Variants in SMYD3 observed in about 807,000 individuals in gnomAD.
SMYD3 encodes SET and MYND domain containing 3.
In SMYD3, 36 loss-of-function variants were observed where a neutral mutation model predicts 57.7. The observed-to-expected ratio is 0.62, with a 90% CI of 0.48 to 0.82. The LOEUF (loss-of-function observed/expected upper bound fraction) is 0.82. Among genes scored for constraint, SMYD3 ranks in the 40% least tolerant of loss-of-function variants. The pLI is 0.00. For missense variants in SMYD3, 515 were observed against 538.8 expected (o/e 0.96, Z 0.44); for synonymous variants, 211 against 195.0 (o/e 1.08, Z -0.68).
At chr1:246,187,214 G>A (rs776318172) in intron 5 of SMYD3, among the ~76,000 whole-genome samples, 15 of 151,638 alleles carry the variant, frequency 9.9e-5, no homozygotes, top group Non-Finnish European at 1.8e-4. Flanking sequence ...GTGTGAACCC[G>A]GAGGCAGAGC....
intron 10 of SMYD3, among the ~76,000 whole-genome samples, chr1:245,782,121 C>T (rs1283905630): frequency 6.6e-6 from 1 of 152,122 alleles, no homozygotes; most frequent in Non-Finnish European, 1.5e-5. Flanking sequence ...CCCTCTAAAC[C>T]AAATATGTAT....
chr1:246,307,413 CTTT>C (rs869254416), intron 5 of SMYD3, among the ~76,000 whole-genome samples: 3,221 of 95,896 alleles, frequency 0.034, 43 homozygotes, highest in African/African-American at 0.12. Context: ...TTAGGGGATT[CTTT>C]TTTTTTTTTT....
At chr1:246,013,597 A>C (rs2059325095) in intron 5 of SMYD3, among the ~76,000 whole-genome samples, 1 of 152,182 alleles carries the variant, frequency 6.6e-6, no homozygotes, top group African/African-American at 2.4e-5. Context: ...TTTTAAAGCA[A>C]TTTAACAATG....
At chr1:245,784,383 G>A (rs2046952621) in intron 10 of SMYD3, among the ~76,000 whole-genome samples, 1 of 152,110 alleles carries the variant, frequency 6.6e-6, no homozygotes, top group Non-Finnish European at 1.5e-5. Flanking sequence ...TTTTCTTATG[G>A]TCACATATTC....
chr1:246,359,040 A>C (rs60933797), intron 1 of SMYD3, among the ~76,000 whole-genome samples: 6,222 of 152,266 alleles, frequency 0.041, 426 homozygotes, highest in African/African-American at 0.14. Flanking sequence ...TGGTTTTGAA[A>C]AGATAAATAA....
intron 5 of SMYD3, among the ~76,000 whole-genome samples, chr1:245,939,164 A>G (rs2057115582): frequency 2.8e-5 from 4 of 144,730 alleles, no homozygotes; most frequent in Admixed American, 2.7e-4. Flanking sequence ...TTAAAAAATA[A>G]AAAAATTTAA....
chr1:245,817,249 G>A (rs1405887297), intron 10 of SMYD3, among the ~76,000 whole-genome samples: 10 of 144,468 alleles, frequency 6.9e-5, no homozygotes, highest in African/African-American at 1.3e-4. Flanking sequence ...CCTGACCCCC[G>A]AGCAGCCTAA....
chr1:246,375,090 A>G (rs1256911556), intron 1 of SMYD3, among the ~76,000 whole-genome samples: 2 of 152,130 alleles, frequency 1.3e-5, no homozygotes. Flanking sequence ...AAGACTCCGT[A>G]GCAAAAATTA....
intron 1 of SMYD3, among the ~76,000 whole-genome samples, chr1:246,363,060 G>A (rs1237899878): frequency 3.4e-5 from 5 of 147,926 alleles, no homozygotes; most frequent in South Asian, 2.2e-4. Flanking sequence ...TGTGGGGAGC[G>A]CCTCTGCCCC....
At chr1:246,137,855 C>T (rs2061686789) in intron 5 of SMYD3, among the ~76,000 whole-genome samples, 2 of 151,986 alleles carry the variant, frequency 1.3e-5, no homozygotes, top group African/African-American at 2.4e-5. Context: ...TATAATTCTA[C>T]TACTGAGTTT....
intron 11 of SMYD3, among the ~76,000 whole-genome samples, chr1:245,753,042 C>T (rs533594846): frequency 5.3e-5 from 8 of 152,296 alleles, no homozygotes; most frequent in Admixed American, 5.2e-4. Flanking sequence ...GACACAGGTG[C>T]CTTCCTTGTC....
intron 5 of SMYD3, among the ~76,000 whole-genome samples, chr1:246,024,704 C>G (rs372043982): frequency 7.2e-5 from 1 of 13,826 alleles, no homozygotes. Context: ...GGAGATACAG[C>G]AAGTGGACAG....
At chr1:246,121,976 A>C (rs2061431650) in intron 5 of SMYD3, among the ~76,000 whole-genome samples, 1 of 152,184 alleles carries the variant, frequency 6.6e-6, no homozygotes, top group African/African-American at 2.4e-5. Flanking sequence ...GGTATTCAAA[A>C]ATAGTTCAAT....
intron 1 of SMYD3, among the ~76,000 whole-genome samples, chr1:246,420,929 C>T (rs926327794): frequency 4.6e-5 from 7 of 152,134 alleles, no homozygotes; most frequent in African/African-American, 7.2e-5. Context: ...TTTTATAAGA[C>T]AGATCTTTCT....
chr1:246,360,808 T>A (rs967838554), intron 1 of SMYD3, among the ~76,000 whole-genome samples: 3 of 152,166 alleles, frequency 2.0e-5, no homozygotes, highest in African/African-American at 7.2e-5. Flanking sequence ...TCAAGATGAA[T>A]CAAAGACTTA....
intron 5 of SMYD3, among the ~76,000 whole-genome samples, chr1:245,960,541 G>A (rs1224997839): frequency 2.6e-5 from 4 of 151,992 alleles, no homozygotes; most frequent in Non-Finnish European, 4.4e-5. Context: ...GGGTAACATG[G>A]GAAAACCCCC....
chr1:245,828,920 C>T (rs1398560513), intron 10 of SMYD3, among the ~76,000 whole-genome samples: 1 of 152,134 alleles, frequency 6.6e-6, no homozygotes, highest in African/African-American at 2.4e-5. Flanking sequence ...CCAGGCTGGT[C>T]TCGAACTCCT....
intron 7 of SMYD3, among the ~76,000 whole-genome samples, chr1:245,920,560 A>G (rs959417587): frequency 1.3e-5 from 2 of 152,120 alleles, no homozygotes; most frequent in Non-Finnish European, 2.9e-5. Context: ...GTCTTCAGGT[A>G]CCCTATCACA....
intron 5 of SMYD3, among the ~76,000 whole-genome samples, chr1:245,984,391 C>T (rs2058661363): frequency 6.6e-6 from 1 of 152,218 alleles, no homozygotes; most frequent in Non-Finnish European, 1.5e-5. Flanking sequence ...ATCAACTTCA[C>T]AACCATGCAG....
Sources: gnomAD v4.1 joint callset for allele counts (sites outside exome capture counted in the v4.1 genomes callset) on GRCh38, gnomAD v4.1.1 for gene constraint, MANE v1.5 for transcripts, NCBI Gene and HGNC (gene_info 2026-07-23, HGNC 2026-07-21) for gene names.